Variants in MEGF6 observed in about 807,000 individuals in gnomAD.
MEGF6 encodes multiple EGF like domains 6, also known as multiple epidermal growth factor-like domains protein 6.
Under a neutral mutation model 207.1 loss-of-function variants are expected in MEGF6, and 184 were observed. The ratio of observed to expected loss-of-function variants is 0.89; its 90% CI spans 0.79 to 1.00. The LOEUF is 1.00. MEGF6 is among the 50% of genes least tolerant of loss of function. MEGF6 has a pLI of 0.00. For synonymous variants in MEGF6, 1,038 were observed against 910.0 expected (o/e 1.14, Z -2.53); for missense variants, 2,282 against 2,202.9 (o/e 1.04, Z -0.72).
At chr1:3,577,515 A>G (rs12080677) in intron 4 of MEGF6, among the ~76,000 whole-genome samples, 30,502 of 152,220 alleles carry the variant, frequency 0.2, 3,961 homozygotes, top group African/African-American at 0.37. Context: ...TCATGAAGCA[A>G]ATGAAGTGTG....
At chr1:3,514,260 A>G (rs1212713840) in intron 7 of MEGF6, among the ~76,000 whole-genome samples, 1 of 152,086 alleles carries the variant, frequency 6.6e-6, no homozygotes, top group East Asian at 1.9e-4. Context: ...AAAAAAAAAA[A>G]AAGGAAATAC....
chr1:3,581,613 C>T (rs1643799929), intron 3 of MEGF6, among the ~76,000 whole-genome samples: 1 of 152,208 alleles, frequency 6.6e-6, no homozygotes, highest in Non-Finnish European at 1.5e-5. Context: ...TTAGTTCCCA[C>T]CATGAGGAAG....
chr1:3,612,314 G>C (rs1004835110), upstream of MEGF6, among the ~76,000 whole-genome samples: 4 of 152,010 alleles, frequency 2.6e-5, no homozygotes, highest in Non-Finnish European at 5.9e-5. Context: ...CACTGTCTAG[G>C]GTGCTAACTT....
intron 4 of MEGF6, chr1:3,531,261 C>T (rs1570071160): frequency 8.8e-6 from 12 of 1,368,772 alleles, no homozygotes; most frequent in Non-Finnish European, 9.4e-6. Context: ...GGTAGGCCGG[C>T]GGGCGGGAGG....
chr1:3,620,739 GAAGAA>G, the MEGF6 span, among the ~76,000 whole-genome samples: 1 of 152,234 alleles, frequency 6.6e-6, no homozygotes, highest in Admixed American at 6.5e-5. Context: ...GAAAGAGATA[GAAGAA>G]AAGACAGCTG....
Position 3,492,701 on chromosome 1 carries a change from C to T in MEGF6, c.4454G>A (p.Cys1485Tyr). Residue 1485 changes from cysteine to tyrosine, a missense_variant, in exon 35 of 37, where the codon TGC (cysteine) becomes TAC (tyrosine). By Grantham distance (194) the Cys-to-Tyr change is radical (BLOSUM62 -2). Transcript: ENST00000356575. ...LHCDCGGGAD[C>Y]DPVSGQCHCV... ...GTGACACTGCCCACTGACAGGGTCGCAGTCAGCCCCACCCCCGCAGTCACA... is the reference window on the plus strand; with the variant it reads ...GTGACACTGCCCACTGACAGGGTCGTAGTCAGCCCCACCCCCGCAGTCACA... 6.2e-7 allele frequency: 1 copy of T among 1,612,660 alleles called. No individual in the cohort carries two copies. Among genetic ancestry groups the T allele is most frequent in the South Asian group, 1.1e-5 (1 of 91,086 alleles).
rs760593386 is a variant in MEGF6 at position 3,498,651 on chromosome 1, C to A, written c.3223+47G>T. 49 of 1,518,312 alleles carry A rather than the reference C, an allele frequency of 3.2e-5. 1 individual carries two copies. The highest frequency in any genetic ancestry group is 9.7e-6 in the Non-Finnish European group (11 of 1,130,848). The allele number at this position is 1,518,312 out of a possible 1,614,324, so 94.1% of individuals were successfully genotyped here. ...CCTCCTAGGCCTGCAGGCGGGGCTG[C>A]ACCAAGCATGCTGGGGTATGTCCCT... On this transcript the variant is annotated intron_variant, in intron 25 of 36. Coordinates refer to ENST00000356575, the MANE Select transcript of MEGF6 (RefSeq NM_001409.4).
At chr1:3,531,544 G>C (rs1570072358) in intron 4 of MEGF6, 1 of 1,006,466 alleles carries the variant, frequency 9.9e-7, no homozygotes, top group Non-Finnish European at 1.2e-6. Flanking sequence ...CCTCCCCCAG[G>C]GGGCCGCGCC....
chr1:3,555,400 C>T lies in MEGF6; in HGVS notation c.481+24425G>A, dbSNP rs1370364589. 2.0e-5 allele frequency among the ~76,000 whole-genome samples: 3 copies of T among 152,200 alleles called. No individual in the cohort carries two copies. The South Asian group carries it at 6.2e-4, about 31-fold the overall frequency. On this transcript the variant is annotated intron_variant, in intron 4 of 36. Transcript: ENST00000356575. Reference sequence around the variant, plus strand: ...CCGCTGGGTGTGGCTGACCCCCAAGCCGCTCTGGGCCTCCACCACCCATGT... The same window carrying T: ...CCGCTGGGTGTGGCTGACCCCCAAGTCGCTCTGGGCCTCCACCACCCATGT...
At chr1:3,549,265 G>T (rs1422393774) in intron 4 of MEGF6, among the ~76,000 whole-genome samples, 1 of 152,162 alleles carries the variant, frequency 6.6e-6, no homozygotes, top group African/African-American at 2.4e-5. Context: ...CGGCCACCAG[G>T]AGAAAAGCCA....
chr1:3,589,053 G>A (rs958916361), intron 3 of MEGF6, among the ~76,000 whole-genome samples: 5 of 152,140 alleles, frequency 3.3e-5, no homozygotes, highest in African/African-American at 9.7e-5. Context: ...TGAACACCAC[G>A]ACTGAGATGA....
intron 4 of MEGF6, among the ~76,000 whole-genome samples, chr1:3,551,783 C>T (rs917680398): frequency 3.3e-5 from 5 of 152,150 alleles, no homozygotes; most frequent in Admixed American, 6.5e-5. Context: ...AGCAGGGCTG[C>T]GACTTCCATC....
At chr1:3,601,020 C>G (rs1165720709) in intron 2 of MEGF6, among the ~76,000 whole-genome samples, 4 of 152,264 alleles carry the variant, frequency 2.6e-5, no homozygotes, top group Admixed American at 6.5e-5. Flanking sequence ...GAGGGGATCC[C>G]CTGCCAGTGC....
In MEGF6 at chr1:3,573,266, G is replaced by A. The variant is rs1034866142; in HGVS notation, c.481+6559C>T. Among the ~76,000 whole-genome samples, 7 of 152,158 alleles carry A rather than the reference G, an allele frequency of 4.6e-5. No homozygotes were observed. Among genetic ancestry groups the A allele is most frequent in the African/African-American group, 1.7e-4 (7 of 41,430 alleles). ...TGCTGGGTCCTCCCAGGTGTGCTGG[G>A]TCCCCCCGCCAGGTAACCCCTAGTC... On this transcript the variant is annotated intron_variant, in intron 4 of 36. Coordinates refer to ENST00000356575, the MANE Select transcript of MEGF6 (RefSeq NM_001409.4). The surrounding 1 kb of genome is among the most constrained non-coding windows in gnomAD (Gnocchi z 5.1).
upstream of MEGF6, among the ~76,000 whole-genome samples, chr1:3,612,298 C>T (rs374874932): frequency 1.3e-5 from 2 of 151,714 alleles, no homozygotes; most frequent in Non-Finnish European, 2.9e-5. Context: ...CCCATGGGCA[C>T]AGAGGCACTG....
chr1:3,502,572 G>A (rs1640949627), intron 17 of MEGF6, among the ~76,000 whole-genome samples: 1 of 152,140 alleles, frequency 6.6e-6, no homozygotes, highest in South Asian at 2.1e-4. Context: ...TGGAGGCCTA[G>A]GGTCCCCCCT....
At chr1:3,531,639 A>G (rs946292506) in intron 4 of MEGF6, among the ~76,000 whole-genome samples, 2 of 152,036 alleles carry the variant, frequency 1.3e-5, no homozygotes, top group Non-Finnish European at 2.9e-5. Flanking sequence ...AGACATCCAC[A>G]TGTGACCCAC....
chr1:3,611,724 C>T (rs1297833359), upstream of MEGF6, among the ~76,000 whole-genome samples: 2 of 54,248 alleles, frequency 3.7e-5, no homozygotes, highest in African/African-American at 7.7e-5. Context: ...CAGCCCCGCC[C>T]CTAGCCCCCT....
intron 4 of MEGF6, among the ~76,000 whole-genome samples, chr1:3,532,835 G>A (rs1163878772): frequency 5.3e-5 from 8 of 152,218 alleles, no homozygotes; most frequent in South Asian, 2.1e-4. Flanking sequence ...AGCTGCGGCC[G>A]CTGTGCCAGG....
Sources: gnomAD v4.1 joint callset for allele counts (sites outside exome capture counted in the v4.1 genomes callset) on GRCh38, gnomAD v4.1.1 for gene constraint, Gnocchi (gnomAD v3.1) non-coding constraint, MANE v1.5 for transcripts, NCBI Gene and HGNC (gene_info 2026-07-23, HGNC 2026-07-21) for gene names.